Variants in SYNPO observed in about 807,000 individuals in gnomAD.
The protein encoded by SYNPO is synaptopodin.
Under a neutral mutation model 49.5 loss-of-function variants are expected in SYNPO, and 19 were observed. The ratio of observed to expected loss-of-function variants is 0.38; its 90% CI spans 0.27 to 0.56. The LOEUF is 0.56. Ranked by LOEUF, SYNPO falls within the 20% of genes least tolerant of loss-of-function variation. SYNPO has a pLI of 0.68. For missense variants in SYNPO, 1,131 were observed against 1,248.3 expected (o/e 0.91, Z 1.42); for synonymous variants, 536 against 548.0 (o/e 0.98, Z 0.31).
At chr5:150,604,770 A>T (rs532497165) in intron 1 of SYNPO, among the ~76,000 whole-genome samples, 5 of 152,338 alleles carry the variant, frequency 3.3e-5, no homozygotes, top group African/African-American at 1.2e-4. Flanking sequence ...TGCGGCTGGC[A>T]CTGAACAAAT....
In SYNPO at chr5:150,649,167, A is replaced by T; in HGVS notation, c.892A>T (p.Arg298Trp). 1 of 1,613,996 alleles carries T rather than the reference A, an allele frequency of 6.2e-7. No individual in the cohort carries two copies. The highest frequency in any genetic ancestry group is 8.5e-7 in the Non-Finnish European group (1 of 1,179,988). ...GTCCCGCAGCCCCATGGTGGAAAGGAGGATGATGGGGCAGCGAAGCCCGGC... is the reference window on the plus strand; with the variant it reads ...GTCCCGCAGCCCCATGGTGGAAAGGTGGATGATGGGGCAGCGAAGCCCGGC... ...IMSRSPMVER[R>W]MMGQRSPASE... Residue 298 changes from arginine to tryptophan, a missense_variant, in exon 2 of 3, where the codon AGG becomes TGG. Coordinates refer to ENST00000307662, the MANE Select transcript of SYNPO (RefSeq NM_007286.6).
intron 2 of SYNPO, chr5:150,624,890 C>T (rs1757300310): frequency 4.1e-6 from 4 of 985,364 alleles, no homozygotes; most frequent in Non-Finnish European, 4.8e-6. Context: ...GCTCGGGGAC[C>T]GTGCGCAGCG....
Position 150,647,935 on chromosome 5 carries a change from T to G in SYNPO, c.-332-9T>G. On this transcript the variant is annotated splice_polypyrimidine_tract_variant and intron_variant, in intron 1 of 2. Transcript: ENST00000307662. ...TGTTTGCTAACTGGGCTTTTGTCCC[T>G]CCCTGTAGCGTTGGGCCGGAGCACT... is the stretch of plus-strand genomic sequence containing the variant. The G allele has an allele frequency of 6.5e-7, 1 of 1,550,004 alleles. No homozygotes were observed. The highest frequency in any genetic ancestry group is 1.2e-5 in the South Asian group (1 of 83,990).
intron 1 of SYNPO, among the ~76,000 whole-genome samples, chr5:150,613,574 G>A (rs1453965607): frequency 6.6e-6 from 1 of 152,224 alleles, no homozygotes; most frequent in East Asian, 1.9e-4. Flanking sequence ...GAATGCTCTT[G>A]AGCAGGTGAG....
intron 1 of SYNPO, among the ~76,000 whole-genome samples, chr5:150,609,111 T>G (rs1218702443): frequency 6.6e-6 from 1 of 152,126 alleles, no homozygotes; most frequent in South Asian, 2.1e-4. Flanking sequence ...GTTTCTGTGG[T>G]GTAACTACTC....
At chr5:150,612,412 C>T (rs1240004546) in intron 1 of SYNPO, among the ~76,000 whole-genome samples, 1 of 152,224 alleles carries the variant, frequency 6.6e-6, no homozygotes, top group Non-Finnish European at 1.5e-5. Flanking sequence ...GAGAGAAGCT[C>T]CTTCCTCCCT....
the SYNPO span, among the ~76,000 whole-genome samples, chr5:150,589,758 G>A: frequency 6.6e-6 from 1 of 152,236 alleles, no homozygotes; most frequent in African/African-American, 2.4e-5. Flanking sequence ...GAGCCACACA[G>A]TCTCCAGGTC....
Position 150,657,050 on chromosome 5 carries a change from G to T in SYNPO, c.2675G>T (p.Arg892Leu). 1 of 1,597,976 alleles carries T rather than the reference G, an allele frequency of 6.3e-7. No homozygotes were observed. The highest frequency in any genetic ancestry group is 8.5e-7 in the Non-Finnish European group (1 of 1,173,616). ...RGWNGSLRLK[R>L]GSLPAEASCT... ...TGGAATGGCAGCCTTCGGCTCAAGCGTGGCAGCCTCCCCGCCGAGGCCTCC... is the reference window on the plus strand; with the variant it reads ...TGGAATGGCAGCCTTCGGCTCAAGCTTGGCAGCCTCCCCGCCGAGGCCTCC... The change falls in exon 3 of 3, where the codon CGT (arginine) becomes CTT (leucine). Residue 892 changes from arginine (R) to leucine (L), a missense_variant. Around this residue, in one of 4 missense-constraint regions of SYNPO, gnomAD observed 509 missense variants for 484.5 expected, o/e 1.05. Transcript: ENST00000307662.
intron 1 of SYNPO, among the ~76,000 whole-genome samples, chr5:150,606,102 A>C (rs1470104712): frequency 6.6e-6 from 1 of 152,260 alleles, no homozygotes; most frequent in Non-Finnish European, 1.5e-5. Flanking sequence ...TATCATGCAG[A>C]TATCATGCAG....
At chr5:150,594,050 T>A in the SYNPO span, among the ~76,000 whole-genome samples, 3 of 152,188 alleles carry the variant, frequency 2.0e-5, no homozygotes, top group Admixed American at 2.0e-4. Context: ...GGGCTTACCC[T>A]GCACGGCTGT....
intron 1 of SYNPO, among the ~76,000 whole-genome samples, chr5:150,644,167 T>C (rs956306012): frequency 5.3e-5 from 6 of 113,226 alleles, no homozygotes; most frequent in Non-Finnish European, 8.3e-5. Context: ...AGACCCTGTC[T>C]CAGAAAAAAA....
intron 1 of SYNPO, among the ~76,000 whole-genome samples, chr5:150,645,617 C>T (rs1055963554): frequency 6.6e-6 from 1 of 152,168 alleles, no homozygotes; most frequent in Non-Finnish European, 1.5e-5. Flanking sequence ...CCCATGATGA[C>T]CTTGTTCCTG....
chr5:150,597,202 G>A (rs1165595638), upstream of SYNPO, among the ~76,000 whole-genome samples: 1 of 152,140 alleles, frequency 6.6e-6, no homozygotes, highest in Non-Finnish European at 1.5e-5. Context: ...CTTAGACATT[G>A]CACCTCTCGG....
At chr5:150,591,580 C>T in the SYNPO span, among the ~76,000 whole-genome samples, 3 of 151,836 alleles carry the variant, frequency 2.0e-5, no homozygotes, top group South Asian at 6.2e-4. Context: ...TGCATTGAAC[C>T]TGTGATGTTA....
At chr5:150,598,217 G>A (rs577563563), upstream of SYNPO, among the ~76,000 whole-genome samples, 15 of 152,122 alleles carry the variant, frequency 9.9e-5, no homozygotes, top group East Asian at 7.7e-4. Context: ...GGCATCCAGC[G>A]CAGCAAATGT....
intron 1 of SYNPO, among the ~76,000 whole-genome samples, chr5:150,643,156 T>C (rs1757968695): frequency 6.6e-6 from 1 of 152,204 alleles, no homozygotes; most frequent in Non-Finnish European, 1.5e-5. Flanking sequence ...TCTATGAGCC[T>C]TGCAAGGTGG....
chr5:150,604,476 G>T (rs543996206), intron 1 of SYNPO, among the ~76,000 whole-genome samples: 38 of 152,118 alleles, frequency 2.5e-4, no homozygotes, highest in Non-Finnish European at 4.4e-4. Context: ...CTTTTTCCTG[G>T]GTTTGGTAGG....
At chr5:150,624,073 G>C (rs1183950108) in intron 2 of SYNPO, among the ~76,000 whole-genome samples, 1 of 152,218 alleles carries the variant, frequency 6.6e-6, no homozygotes, top group African/African-American at 2.4e-5. Flanking sequence ...CAATCTGAAT[G>C]GCATTTTGCT....
intron 2 of SYNPO, chr5:150,650,944 G>A (rs992082793): frequency 8.0e-7 from 1 of 1,257,048 alleles, no homozygotes; most frequent in African/African-American, 1.6e-5. Flanking sequence ...CCCCTCCAGG[G>A]TCCTTCTGCT....
Sources: allele counts gnomAD v4.1 joint callset (sites outside exome capture counted in the v4.1 genomes callset), GRCh38; gene constraint gnomAD v4.1.1; regional missense constraint gnomAD v4.1.1; transcripts MANE v1.5; gene names NCBI Gene and HGNC (gene_info 2026-07-23, HGNC 2026-07-21).